Variants in PCDH7 observed in about 807,000 individuals in gnomAD.
The protein encoded by PCDH7 is protocadherin 7.
In PCDH7, 17 loss-of-function variants were observed where a neutral mutation model predicts 58.9. That is an observed-to-expected ratio of 0.29 (90% CI 0.20 to 0.43). PCDH7 has a LOEUF of 0.43. PCDH7 is among the 20% of genes least tolerant of loss of function. PCDH7 has a pLI of 1.00. For missense variants in PCDH7, 1,274 were observed against 1,441.0 expected, an observed-to-expected ratio of 0.88 and a Z score of 1.88; for synonymous variants, 664 against 616.4, an observed-to-expected ratio of 1.08 and a Z score of -1.14.
chr4:31,140,017 CA>C (rs1227117386), intron 3 of PCDH7, among the ~76,000 whole-genome samples: 1 of 152,076 alleles, frequency 6.6e-6, no homozygotes, highest in African/African-American at 2.4e-5. Flanking sequence ...TCAATTTTGG[CA>C]GAAAATACTC....
intron 3 of PCDH7, among the ~76,000 whole-genome samples, chr4:31,082,924 T>G (rs189357232): frequency 1.3e-5 from 2 of 151,974 alleles, no homozygotes; most frequent in Non-Finnish European, 2.9e-5. Context: ...CTGGCTAACA[T>G]GGTGAAACCC....
At chr4:31,015,079 A>G (rs1265529440) in intron 3 of PCDH7, among the ~76,000 whole-genome samples, 1 of 152,194 alleles carries the variant, frequency 6.6e-6, no homozygotes, top group Non-Finnish European at 1.5e-5. Flanking sequence ...CACCAATGAT[A>G]ATACCTTGTC....
At chr4:30,736,584 G>A (rs187961894), downstream of PCDH7, among the ~76,000 whole-genome samples, 5 of 147,566 alleles carry the variant, frequency 3.4e-5, no homozygotes, top group Non-Finnish European at 5.9e-5. Context: ...CGCCGGGGCT[G>A]GAGTGTAGTT....
intron 1 of PCDH7, among the ~76,000 whole-genome samples, chr4:30,812,594 G>A (rs1008974848): frequency 2.0e-5 from 3 of 152,004 alleles, no homozygotes; most frequent in Non-Finnish European, 4.4e-5. Context: ...CAAAATATGA[G>A]AGCATAAATC....
chr4:31,100,190 A>G (rs1009068243), intron 3 of PCDH7, among the ~76,000 whole-genome samples: 1 of 152,210 alleles, frequency 6.6e-6, no homozygotes, highest in Non-Finnish European at 1.5e-5. Flanking sequence ...AAAAAGCTGT[A>G]GTTGAAGGAT....
At chr4:31,083,231 C>T (rs140345339) in intron 3 of PCDH7, among the ~76,000 whole-genome samples, 54 of 152,122 alleles carry the variant, frequency 3.5e-4, no homozygotes, top group African/African-American at 1.3e-3. Context: ...TCACAAAACC[C>T]CTTGTACCCC....
chr4:30,846,833 A>C (rs547985209), intron 1 of PCDH7, among the ~76,000 whole-genome samples: 18 of 152,070 alleles, frequency 1.2e-4, no homozygotes, highest in Non-Finnish European at 2.4e-4. Context: ...CTTTTAACAG[A>C]CAGGATGCAG....
At chr4:31,071,136 T>C (rs1005890824) in intron 3 of PCDH7, among the ~76,000 whole-genome samples, 2 of 152,070 alleles carry the variant, frequency 1.3e-5, no homozygotes, top group Non-Finnish European at 2.9e-5. Flanking sequence ...GCAAAGGTAA[T>C]TCAAAGCTCA....
intron 3 of PCDH7, among the ~76,000 whole-genome samples, chr4:31,060,871 A>G (rs913477940): frequency 1.3e-5 from 2 of 151,772 alleles, no homozygotes; most frequent in Non-Finnish European, 3.0e-5. Context: ...CTCTGTAGTG[A>G]GCACATAACA....
At chr4:30,918,901 T>C (rs899978535) in intron 1 of PCDH7, among the ~76,000 whole-genome samples, 1 of 152,122 alleles carries the variant, frequency 6.6e-6, no homozygotes, top group Admixed American at 6.5e-5. Context: ...TAGGGGGAGA[T>C]GTTATAACTC....
chr4:31,067,753 A>T (rs1338691043), intron 3 of PCDH7, among the ~76,000 whole-genome samples: 2 of 151,994 alleles, frequency 1.3e-5, no homozygotes, highest in Non-Finnish European at 2.9e-5. Context: ...AGCAGAACAA[A>T]CAAGCTTCTT....
chr4:30,813,112 C>T (rs971693160), intron 1 of PCDH7, among the ~76,000 whole-genome samples: 4 of 152,048 alleles, frequency 2.6e-5, no homozygotes, highest in East Asian at 1.9e-4. Flanking sequence ...GTGTATGGTG[C>T]GTCATATTGG....
chr4:30,931,610 G>A (rs1240475344), intron 2 of PCDH7, among the ~76,000 whole-genome samples: 1 of 151,512 alleles, frequency 6.6e-6, no homozygotes, highest in African/African-American at 2.4e-5. Flanking sequence ...TATGTAGTAA[G>A]TAAGGGCCCA....
At chr4:30,892,763 T>C (rs1000486462) in intron 1 of PCDH7, among the ~76,000 whole-genome samples, 15 of 152,156 alleles carry the variant, frequency 9.9e-5, no homozygotes, top group African/African-American at 3.6e-4. Context: ...GTCATGCTTG[T>C]AGGAAGTGAA....
chr4:31,044,333 C>T (rs1478141907), intron 3 of PCDH7, among the ~76,000 whole-genome samples: 1 of 152,022 alleles, frequency 6.6e-6, no homozygotes, highest in East Asian at 1.9e-4. Context: ...CATTTTAATA[C>T]TATAACTGTG....
At chr4:31,019,539 A>G (rs1753865194) in intron 3 of PCDH7, among the ~76,000 whole-genome samples, 1 of 152,020 alleles carries the variant, frequency 6.6e-6, no homozygotes, top group Admixed American at 6.6e-5. Flanking sequence ...TACTAAAAAT[A>G]CCAAAAATTA....
At chr4:30,835,683 C>T (rs1324140608) in intron 1 of PCDH7, among the ~76,000 whole-genome samples, 4 of 152,064 alleles carry the variant, frequency 2.6e-5, no homozygotes, top group Non-Finnish European at 4.4e-5. Flanking sequence ...CAGTTGAAAA[C>T]ATGTAACTTT....
At chr4:31,024,054 A>C (rs2109174125) in intron 3 of PCDH7, among the ~76,000 whole-genome samples, 1 of 152,322 alleles carries the variant, frequency 6.6e-6, no homozygotes, top group African/African-American at 2.4e-5. Flanking sequence ...AAGAGCATTA[A>C]AACTTTGAAA....
At chr4:31,100,809 A>T (rs992733084) in intron 3 of PCDH7, among the ~76,000 whole-genome samples, 1 of 152,190 alleles carries the variant, frequency 6.6e-6, no homozygotes, top group Non-Finnish European at 1.5e-5. Flanking sequence ...AAGTTATAGA[A>T]AAATACTGTT....
Sources: allele counts gnomAD v4.1 joint callset (sites outside exome capture counted in the v4.1 genomes callset), GRCh38; gene constraint gnomAD v4.1.1; transcripts MANE v1.5; gene names NCBI Gene and HGNC (gene_info 2026-07-23, HGNC 2026-07-21).